KMT2C: variants seen among roughly 807,000 people sequenced by gnomAD.
KMT2C encodes histone-lysine N-methyltransferase 2C.
A neutral mutation model predicts 507.9 loss-of-function variants in KMT2C; 88 were observed. The observed-to-expected ratio is 0.17, with a 90% CI of 0.15 to 0.21. The LOEUF is 0.21. Among genes scored for constraint, KMT2C ranks in the 10% least tolerant of loss-of-function variants. The pLI, the probability that KMT2C is intolerant of heterozygous loss-of-function variation, is 1.00. For synonymous variants in KMT2C, 2,049 were observed against 2,080.8 expected (o/e 0.98, Z 0.42); for missense variants, 4,954 against 5,957.8 (o/e 0.83, Z 5.55).
intron 1 of KMT2C, among the ~76,000 whole-genome samples, chr7:152,395,277 TG>T (rs2097530494): frequency 6.6e-6 from 1 of 151,990 alleles, no homozygotes. Context: ...CTCGACCTTT[TG>T]GGCTCAAGTA....
At chr7:152,264,884 T>C (rs1257138362) in intron 8 of KMT2C, among the ~76,000 whole-genome samples, 154 bp downstream of exon 8, 1 of 151,710 alleles carries the variant, frequency 6.6e-6, no homozygotes, top group African/African-American at 2.4e-5. Context: ...ATAAATGTTA[T>C]AATATCCAGT....
chr7:152,297,055 C>CAGACAGAAAGAGAGAGAGAG (rs1315629061), intron 6 of KMT2C, among the ~76,000 whole-genome samples: 2 of 84,406 alleles, frequency 2.4e-5, no homozygotes, highest in African/African-American at 1.1e-4. Flanking sequence ...GAAAGAAAGA[C>CAGACAGAAAGAGAGAGAGAG]AGAGAGAGAG....
At chr7:152,385,611 CAAAAAAAAAAAAAAAAAAAAA>C (rs1160527130) in intron 1 of KMT2C, among the ~76,000 whole-genome samples, 26 of 19,440 alleles carry the variant, frequency 1.3e-3, no homozygotes, top group Non-Finnish European at 1.7e-3. Context: ...GACTCCGTCT[CAAAAAAAAAAAAAAAAAAAAA>C]AAAAAAAAAA....
intron 14 of KMT2C, among the ~76,000 whole-genome samples, chr7:152,245,435 ATT>A (rs2095455446): frequency 6.6e-6 from 1 of 152,186 alleles, no homozygotes; most frequent in Non-Finnish European, 1.5e-5. Flanking sequence ...ATGCTGAAAT[ATT>A]GTTTTGAATA....
At chr7:152,242,382 TAAAA>T (rs145050542) in intron 14 of KMT2C, among the ~76,000 whole-genome samples, 2 of 152,248 alleles carry the variant, frequency 1.3e-5, no homozygotes, top group South Asian at 2.1e-4. Flanking sequence ...TTTCTTCACT[TAAAA>T]AAAGTTACTA....
At chr7:152,189,624 G>A (rs1280122717) in intron 31 of KMT2C, among the ~76,000 whole-genome samples, 14 of 152,118 alleles carry the variant, frequency 9.2e-5, no homozygotes, top group Non-Finnish European at 1.0e-4. Flanking sequence ...GTATGTATGT[G>A]CAGATACTAA....
At position 152,148,792 on chromosome 7, in the gene KMT2C, T is replaced by C. The variant is rs201273057; in HGVS notation, c.13135A>G (p.Ile4379Val). The C allele has an allele frequency of 1.2e-6, 2 of 1,614,230 alleles. No individual in the cohort carries two copies. The highest frequency in any genetic ancestry group is 1.7e-6 in the Non-Finnish European group (2 of 1,180,020). ...CCCAATTTCTTTAGAAATTCATCTA[T>C]TTCATCCTCACAAGGTGGTTTAAAT... ...GTFKPPCEDE[I>V]DEFLKKLGTS... is the part of the protein sequence containing the mutation. Residue 4379 changes from isoleucine (I) to valine (V), a missense_variant, in exon 52 of 59, where the codon ATA becomes GTA. By Grantham distance (29) the Ile-to-Val change is conservative. Coordinates refer to ENST00000262189, the MANE Select transcript of KMT2C (RefSeq NM_170606.3). The surrounding 1 kb of genome is among the most constrained non-coding windows in gnomAD (Gnocchi z 7.1).
At position 152,390,907 on chromosome 7, in the gene KMT2C, G is replaced by A. The variant is rs572900974; in HGVS notation, c.162-32232C>T. Among the ~76,000 whole-genome samples the A allele has an allele frequency of 2.6e-4, 39 of 152,184 alleles. 2 individuals carry two copies. Among genetic ancestry groups the A allele is most frequent in the African/African-American group, 7.7e-4 (32 of 41,536 alleles). On this transcript the variant is annotated intron_variant, in intron 1 of 58. Transcript: ENST00000262189. The stretch of plus-strand genomic sequence containing the variant: ...CACGCCTGTAATCCCAGCACTTTGG[G>A]AGGCCGAGGCAGATGGATCACGAGG...
At chr7:152,193,862 T>C (rs1018585742) in intron 31 of KMT2C, 147 bp downstream of exon 31, 2 of 562,704 alleles carry the variant, frequency 3.6e-6, no homozygotes, top group Non-Finnish European at 2.8e-6. Flanking sequence ...TCAGTATTTT[T>C]CAATCATTAC....
At chr7:152,390,996 T>G (rs931194568) in intron 1 of KMT2C, among the ~76,000 whole-genome samples, 11 of 151,528 alleles carry the variant, frequency 7.3e-5, no homozygotes, top group African/African-American at 2.7e-4. Flanking sequence ...ACTACAAAAA[T>G]TAGCCAGTCA....
At chr7:152,245,131 A>T (rs2095448855) in intron 14 of KMT2C, among the ~76,000 whole-genome samples, 1 of 152,246 alleles carries the variant, frequency 6.6e-6, no homozygotes, top group African/African-American at 2.4e-5. Context: ...CAAATGGTTT[A>T]GCAATTATCT....
At chr7:152,288,378 A>G (rs2096345911) in intron 6 of KMT2C, among the ~76,000 whole-genome samples, 1 of 151,880 alleles carries the variant, frequency 6.6e-6, no homozygotes, top group African/African-American at 2.4e-5. Flanking sequence ...TACTAAAAAT[A>G]CAAAAATTAG....
Position 152,162,629 on chromosome 7 carries a change from T to C in KMT2C, c.10948A>G (p.Ser3650Gly), listed in dbSNP as rs1202403919. The change falls in exon 43 of 59, where the codon AGT becomes GGT. Residue 3650 changes from serine (S) to glycine (G), a missense_variant. Around this residue, in one of 29 missense-constraint regions of KMT2C, gnomAD observed 801 missense variants for 751.2 expected, o/e 1.07. Coordinates refer to ENST00000262189, the MANE Select transcript of KMT2C (RefSeq NM_170606.3). ...TTSTPAVSTPSELPQQADQES... is the reference protein window; with the variant it reads ...TTSTPAVSTPGELPQQADQES... Reference sequence around the variant, plus strand: ...TGGTCGGCTTGTTGAGGAAGCTCACTGGGTGTGCTCACTGCAGGAGTAGAG... The same window carrying C: ...TGGTCGGCTTGTTGAGGAAGCTCACCGGGTGTGCTCACTGCAGGAGTAGAG... 1.2e-6 allele frequency: 2 copies of C among 1,614,106 alleles called. No individual in the cohort carries two copies. Among genetic ancestry groups the C allele is most frequent in the Non-Finnish European group, 1.7e-6 (2 of 1,180,040 alleles).
intron 23 of KMT2C, among the ~76,000 whole-genome samples, chr7:152,210,789 T>C (rs1001973281): frequency 6.6e-6 from 1 of 151,916 alleles, no homozygotes; most frequent in African/African-American, 2.4e-5. Context: ...GAGGCAAGAA[T>C]AGGATGCTAC....
rs1587958456 is a variant in KMT2C, at chr7:152,177,908, T to C, written c.7545A>G (p.Arg2515=). The C allele has an allele frequency of 6.2e-7, 1 of 1,612,500 alleles. No homozygotes were observed. The highest frequency in any genetic ancestry group is 2.2e-5 in the East Asian group (1 of 44,820). ...TAGGCATATCTACAGATACTGATCT[T>C]CTTAGCTGTGGAGAAACTCCAGATC... is the stretch of plus-strand genomic sequence containing the variant. ...IQGSGVSPQL[R]RSVSVDMPRP... Residue 2515 remains arginine, a synonymous_variant, in exon 38 of 59, where the codon AGA becomes AGG. Transcript: ENST00000262189.
At chr7:152,333,755 A>G (rs1234573467) in intron 2 of KMT2C, among the ~76,000 whole-genome samples, 3 of 152,240 alleles carry the variant, frequency 2.0e-5, no homozygotes, top group Non-Finnish European at 4.4e-5. Context: ...ATAATTGTAA[A>G]TCCTATCAAA....
chr7:152,242,974 C>A (rs1190052358), intron 14 of KMT2C, among the ~76,000 whole-genome samples: 1 of 152,052 alleles, frequency 6.6e-6, no homozygotes, highest in Non-Finnish European at 1.5e-5. Context: ...AGAGAGAGAG[C>A]CGAAAGGAAG....
At chr7:152,263,820 A>G (rs1271737998) in intron 8 of KMT2C, among the ~76,000 whole-genome samples, 1 of 152,202 alleles carries the variant, frequency 6.6e-6, no homozygotes, top group Non-Finnish European at 1.5e-5. Context: ...CCCCTGTCCT[A>G]CAGCTTTATC....
intron 26 of KMT2C, among the ~76,000 whole-genome samples, chr7:152,201,918 T>C (rs1363088474): frequency 5.3e-5 from 8 of 152,196 alleles, no homozygotes; most frequent in South Asian, 4.1e-4. Context: ...AGTGGAATGG[T>C]GTTTAAATCC....
Sources: allele counts gnomAD v4.1 joint callset (sites outside exome capture counted in the v4.1 genomes callset), GRCh38; gene constraint gnomAD v4.1.1; regional missense constraint gnomAD v4.1.1; non-coding constraint Gnocchi (gnomAD v3.1); transcripts MANE v1.5; gene names NCBI Gene and HGNC (gene_info 2026-07-23, HGNC 2026-07-21).